NRG3: variants seen among roughly 807,000 people sequenced by gnomAD.
The protein encoded by NRG3 is pro-neuregulin-3, membrane-bound isoform.
NRG3 carries 31 observed loss-of-function variants against 66.9 expected under a neutral mutation model. The observed-to-expected ratio is 0.46, with a 90% CI of 0.35 to 0.63. NRG3 has a LOEUF of 0.63. NRG3 is among the 20% of genes least tolerant of loss of function. The probability of loss-of-function intolerance (pLI) is 0.00; values close to 1 mark genes in which losing one functional copy is unlikely to be tolerated. For missense variants in NRG3, 910 were observed against 878.9 expected, an observed-to-expected ratio of 1.04 and a Z score of -0.45; for synonymous variants, 393 against 359.4, an observed-to-expected ratio of 1.09 and a Z score of -1.06.
intron 2 of NRG3, among the ~76,000 whole-genome samples, chr10:82,644,773 C>T (rs2050821998): frequency 1.3e-5 from 2 of 152,096 alleles, no homozygotes; most frequent in Admixed American, 1.3e-4. Context: ...TGTAAAATAA[C>T]TCCCCCAGAA....
At chr10:81,959,071 G>C (rs529130981) in intron 1 of NRG3, among the ~76,000 whole-genome samples, 1 of 152,216 alleles carries the variant, frequency 6.6e-6, no homozygotes, top group South Asian at 2.1e-4. Flanking sequence ...CTGTTGCCTT[G>C]TTTGCACCCA....
At chr10:82,899,437 G>A (rs1223442915) in intron 4 of NRG3, among the ~76,000 whole-genome samples, 1 of 152,136 alleles carries the variant, frequency 6.6e-6, no homozygotes, top group Non-Finnish European at 1.5e-5. Flanking sequence ...CAGGGAGAAA[G>A]GACTTAGGAA....
chr10:82,097,428 TATATATATATATATCTGTA>T (rs2066421990), intron 1 of NRG3, among the ~76,000 whole-genome samples: 2 of 128,500 alleles, frequency 1.6e-5, no homozygotes, highest in African/African-American at 8.0e-5. Context: ...ATCTGTAATA[TATATATATATATATCTGTA>T]ATATATATAT....
intron 4 of NRG3, among the ~76,000 whole-genome samples, chr10:82,950,701 T>C (rs1849437666): frequency 6.6e-6 from 1 of 152,160 alleles, no homozygotes; most frequent in South Asian, 2.1e-4. Flanking sequence ...AAGACGAGGA[T>C]AATTAACAGA....
intron 2 of NRG3, among the ~76,000 whole-genome samples, chr10:82,360,440 AATCAGAAGC>A (rs2084057542): frequency 6.6e-6 from 1 of 152,240 alleles, no homozygotes; most frequent in Admixed American, 6.5e-5. Context: ...AGAAGGGATG[AATCAGAAGC>A]ATTAGCTAAA....
chr10:82,246,798 T>A (rs185097529), intron 1 of NRG3, among the ~76,000 whole-genome samples: 6 of 151,956 alleles, frequency 3.9e-5, no homozygotes, highest in Admixed American at 1.3e-4. Context: ...GCGTTCAGAG[T>A]CACTGGGTCT....
chr10:82,069,016 T>G (rs2133307396), intron 1 of NRG3, among the ~76,000 whole-genome samples: 1 of 152,350 alleles, frequency 6.6e-6, no homozygotes, highest in East Asian at 1.9e-4. Context: ...TTAATTGGAT[T>G]AGAGCTTTGA....
chr10:82,891,876 T>A (rs1285859690), intron 4 of NRG3, among the ~76,000 whole-genome samples: 5 of 152,106 alleles, frequency 3.3e-5, no homozygotes, highest in Non-Finnish European at 7.4e-5. Flanking sequence ...TTTTAACAAT[T>A]TACCTTGAAT....
At chr10:82,708,374 G>A (rs1020268568) in intron 2 of NRG3, among the ~76,000 whole-genome samples, 5 of 152,104 alleles carry the variant, frequency 3.3e-5, no homozygotes, top group African/African-American at 1.2e-4. Context: ...TAAATTATGT[G>A]TTGTGGGAGT....
At chr10:82,549,618 C>T (rs534330761) in intron 2 of NRG3, among the ~76,000 whole-genome samples, 2 of 152,262 alleles carry the variant, frequency 1.3e-5, no homozygotes, top group East Asian at 3.9e-4. Flanking sequence ...TGTTACAAAG[C>T]TGATGCAGAA....
chr10:82,933,823 G>T (rs150583044), intron 4 of NRG3, among the ~76,000 whole-genome samples: 1 of 152,008 alleles, frequency 6.6e-6, no homozygotes, highest in Admixed American at 6.6e-5. Context: ...GCATATGATC[G>T]TTTTGAAATA....
At chr10:81,930,176 G>A (rs570277917) in intron 1 of NRG3, among the ~76,000 whole-genome samples, 27 of 152,154 alleles carry the variant, frequency 1.8e-4, no homozygotes, top group East Asian at 7.7e-4. Flanking sequence ...GTCACATACC[G>A]TTTCAACTCA....
At chr10:81,877,117 A>G (rs1322663188) in intron 1 of NRG3, among the ~76,000 whole-genome samples, 1 of 152,212 alleles carries the variant, frequency 6.6e-6, no homozygotes, top group Non-Finnish European at 1.5e-5. Context: ...ACCTGGGCTC[A>G]GTATGAGCCA....
chr10:81,880,827 T>G (rs1842113064), intron 1 of NRG3, among the ~76,000 whole-genome samples: 1 of 152,244 alleles, frequency 6.6e-6, no homozygotes. Flanking sequence ...TCTTTCTAGC[T>G]GTTTTTATCT....
intron 3 of NRG3, among the ~76,000 whole-genome samples, chr10:82,821,646 T>C (rs2061960671): frequency 6.6e-6 from 1 of 151,916 alleles, no homozygotes; most frequent in Non-Finnish European, 1.5e-5. Context: ...CCCTGCAGAG[T>C]ACACAGAATG....
intron 2 of NRG3, among the ~76,000 whole-genome samples, chr10:82,361,718 A>G (rs929527147): frequency 1.6e-4 from 25 of 152,142 alleles, no homozygotes; most frequent in African/African-American, 6.0e-4. Flanking sequence ...AAAGCAAAAT[A>G]CTTCAGTGAC....
chr10:81,960,194 G>A (rs961278071), intron 1 of NRG3, among the ~76,000 whole-genome samples: 3 of 152,040 alleles, frequency 2.0e-5, no homozygotes, highest in South Asian at 2.1e-4. Flanking sequence ...TAACTCAAAT[G>A]AATATAGTTT....
At chr10:82,429,663 A>G (rs1422568867) in intron 2 of NRG3, among the ~76,000 whole-genome samples, 2 of 152,154 alleles carry the variant, frequency 1.3e-5, no homozygotes, top group African/African-American at 4.8e-5. Flanking sequence ...AGAATTTTTC[A>G]TCCAATTTTT....
At chr10:82,343,890 C>T (rs192229556) in intron 1 of NRG3, among the ~76,000 whole-genome samples, 1 of 152,222 alleles carries the variant, frequency 6.6e-6, no homozygotes, top group Non-Finnish European at 1.5e-5. Flanking sequence ...CTGCTTCTCT[C>T]TTATGACCGT....
Sources: allele counts gnomAD v4.1 joint callset (sites outside exome capture counted in the v4.1 genomes callset), GRCh38; gene constraint gnomAD v4.1.1; transcripts MANE v1.5; gene names NCBI Gene and HGNC (gene_info 2026-07-23, HGNC 2026-07-21).